The following SBF2 variants were observed in gnomAD, a reference collection of about 807,000 sequenced individuals.
The protein encoded by SBF2 is SET binding factor 2.
SBF2 carries 112 observed loss-of-function variants against 225.2 expected under a neutral mutation model. That is an observed-to-expected ratio of 0.50 (90% CI 0.43 to 0.58). The LOEUF (loss-of-function observed/expected upper bound fraction) is 0.58. SBF2 is among the 20% of genes least tolerant of loss of function. SBF2 has a pLI of 0.00. For missense variants in SBF2, 1,996 were observed against 2,206.2 expected (o/e 0.90, Z 1.91); for synonymous variants, 763 against 773.3 (o/e 0.99, Z 0.22).
intron 2 of SBF2, among the ~76,000 whole-genome samples, chr11:10,178,431 C>T (rs1956567154): frequency 1.4e-5 from 2 of 139,794 alleles, no homozygotes; most frequent in African/African-American, 2.7e-5. Context: ...AGAAAATTTT[C>T]ACAACCTACT....
At chr11:9,986,153 G>A (rs1947187844) in intron 13 of SBF2, among the ~76,000 whole-genome samples, 1 of 152,042 alleles carries the variant, frequency 6.6e-6, no homozygotes. Flanking sequence ...GCAAATACAT[G>A]GAATTTAAAT....
chr11:10,194,011 CATT>C, intron 1 of SBF2, 24 bp from the exon 2 acceptor site: 1 of 1,472,364 alleles, frequency 6.8e-7, no homozygotes, highest in Non-Finnish European at 9.5e-7. Flanking sequence ...CAAAGTGAAT[CATT>C]ATTATAGGAC....
At chr11:10,019,045 T>C (rs1463463294) in intron 6 of SBF2, among the ~76,000 whole-genome samples, 1 of 152,158 alleles carries the variant, frequency 6.6e-6, no homozygotes, top group South Asian at 2.1e-4. Context: ...TCTACTATAG[T>C]TTTAAAACGA....
chr11:9,848,122 A>T (rs993053111), intron 22 of SBF2, among the ~76,000 whole-genome samples: 1 of 152,200 alleles, frequency 6.6e-6, no homozygotes, highest in African/African-American at 2.4e-5. Context: ...AACTAGGTTC[A>T]TCTTATTTAA....
At chr11:10,042,765 T>G in intron 3 of SBF2, 79 bp downstream of exon 3, 5 of 1,498,600 alleles carry the variant, frequency 3.3e-6, no homozygotes, top group Non-Finnish European at 4.6e-6. Context: ...CTTGCAGTTG[T>G]AACAAAAATA....
At chr11:9,919,008 C>A (rs984993621) in intron 16 of SBF2, among the ~76,000 whole-genome samples, 1 of 152,064 alleles carries the variant, frequency 6.6e-6, no homozygotes, top group Admixed American at 6.6e-5. Context: ...TCCCAAAGTG[C>A]TGGGATTACA....
chr11:9,841,760 C>T (rs548111100), intron 25 of SBF2, among the ~76,000 whole-genome samples: 1 of 152,318 alleles, frequency 6.6e-6, no homozygotes, highest in African/African-American at 2.4e-5. Flanking sequence ...TCTCGAACTC[C>T]TGGCCTCAAG....
chr11:9,967,990 T>A (rs1047378398), intron 14 of SBF2, among the ~76,000 whole-genome samples: 3 of 138,892 alleles, frequency 2.2e-5, no homozygotes, highest in East Asian at 2.4e-4. Flanking sequence ...TATATATATA[T>A]AAAATATATA....
At chr11:10,230,889 A>T (rs1180633103) in intron 1 of SBF2, among the ~76,000 whole-genome samples, 1 of 152,088 alleles carries the variant, frequency 6.6e-6, no homozygotes, top group Non-Finnish European at 1.5e-5. Flanking sequence ...CTCCTGGATA[A>T]TATCCTGCAG....
At chr11:9,790,415 T>C (rs1330920049) in intron 34 of SBF2, 141 bp downstream of exon 34, 3 of 656,814 alleles carry the variant, frequency 4.6e-6, no homozygotes, top group Non-Finnish European at 5.0e-6. Context: ...ACCTATAGTG[T>C]CTCAAACTTT....
intron 2 of SBF2, among the ~76,000 whole-genome samples, chr11:10,071,263 C>CTTTTTT (rs774979361): frequency 2.6e-4 from 33 of 124,938 alleles, no homozygotes; most frequent in Non-Finnish European, 4.5e-4. Context: ...TTCTCTCTCT[C>CTTTTTT]TCTTTTTTTT....
chr11:10,183,082 G>T (rs1393304359), intron 2 of SBF2, among the ~76,000 whole-genome samples: 1 of 151,996 alleles, frequency 6.6e-6, no homozygotes, highest in Non-Finnish European at 1.5e-5. Flanking sequence ...GTTTTTCTAT[G>T]CTTTGTGGAG....
chr11:10,168,232 A>G (rs751085354), intron 2 of SBF2, among the ~76,000 whole-genome samples: 16 of 152,216 alleles, frequency 1.1e-4, no homozygotes, highest in African/African-American at 2.2e-4. Flanking sequence ...CTGGCACATA[A>G]TAAGTACCAA....
In SBF2 at chr11:9,829,552, G is replaced by GTATCTATC. The variant is rs143416649; in HGVS notation, c.3653-64_3653-57dup. ...AACTGTCTCTGTGTTAACAAAACAA[G>GTATCTATC]TATCTATCTATCTATCTATCTACCT... On this transcript the variant is annotated intron_variant, in intron 27 of 39. Transcript: ENST00000256190. 781 of 1,406,752 alleles carry GTATCTATC rather than the reference G, an allele frequency of 5.6e-4. 1 individual carries two copies. The highest frequency in any genetic ancestry group is 7.1e-4 in the Non-Finnish European group (709 of 993,954). 87.1% of individuals were successfully genotyped at this position (1,406,752 alleles called of 1,614,324 possible).
At chr11:10,171,027 A>C (rs1956161849) in intron 2 of SBF2, among the ~76,000 whole-genome samples, 1 of 151,674 alleles carries the variant, frequency 6.6e-6, no homozygotes, top group African/African-American at 2.4e-5. Context: ...CATCAGTTTT[A>C]ATAGTTTTTT....
chr11:9,789,646 C>G (rs1223736678), intron 34 of SBF2, among the ~76,000 whole-genome samples: 1 of 152,148 alleles, frequency 6.6e-6, no homozygotes, highest in African/African-American at 2.4e-5. Flanking sequence ...AGGAGCTGGC[C>G]CCAGCCCCCT....
At chr11:9,971,479 G>C (rs61877005) in intron 13 of SBF2, among the ~76,000 whole-genome samples, 17,159 of 151,918 alleles carry the variant, frequency 0.11, 1,091 homozygotes, top group Non-Finnish European at 0.13. Context: ...AGGAGTTCAA[G>C]ACCAGTCTGG....
intron 2 of SBF2, among the ~76,000 whole-genome samples, chr11:10,183,906 T>C (rs980535300): frequency 5.3e-5 from 8 of 152,186 alleles, no homozygotes; most frequent in African/African-American, 1.9e-4. Flanking sequence ...ATGGGAAATA[T>C]AAGTTCTCGT....
chr11:10,296,195 C>T (rs114350711), upstream of SBF2, among the ~76,000 whole-genome samples: 6 of 152,176 alleles, frequency 3.9e-5, no homozygotes, highest in Non-Finnish European at 5.9e-5. Flanking sequence ...AGCTTGTTTA[C>T]GGGCAGATAC....
Sources: allele counts gnomAD v4.1 joint callset (sites outside exome capture counted in the v4.1 genomes callset), GRCh38; gene constraint gnomAD v4.1.1; transcripts MANE v1.5; gene names NCBI Gene and HGNC (gene_info 2026-07-23, HGNC 2026-07-21).